Variants in KHDRBS3 observed in about 807,000 individuals in gnomAD.
KHDRBS3 encodes KH RNA binding domain containing, signal transduction associated 3.
Under a neutral mutation model 45.6 loss-of-function variants are expected in KHDRBS3, and 23 were observed. The observed-to-expected ratio is 0.50, with a 90% CI of 0.36 to 0.72. KHDRBS3 has a LOEUF of 0.72. KHDRBS3 is among the 30% of genes least tolerant of loss of function. The pLI, the probability that KHDRBS3 is intolerant of heterozygous loss-of-function variation, is 0.00. For synonymous variants in KHDRBS3, 162 were observed against 156.5 expected (o/e 1.04, Z -0.26); for missense variants, 352 against 424.8 (o/e 0.83, Z 1.51).
At chr8:135,515,365 T>TAAAAAAAAAAAAAA (rs59502823) in intron 1 of KHDRBS3, among the ~76,000 whole-genome samples, 43 of 39,744 alleles carry the variant, frequency 1.1e-3, no homozygotes, top group Non-Finnish European at 1.5e-3. Context: ...GACTCCGTCT[T>TAAAAAAAAAAAAAA]AAAAAAAAAA....
At chr8:135,462,417 CA>C (rs1424586233) in intron 1 of KHDRBS3, among the ~76,000 whole-genome samples, 2 of 152,002 alleles carry the variant, frequency 1.3e-5, no homozygotes, top group African/African-American at 2.4e-5. Context: ...TGTTGGGTCC[CA>C]GGGGTAGGGA....
intron 7 of KHDRBS3, among the ~76,000 whole-genome samples, chr8:135,633,613 TTAATTAC>T (rs2131150015): frequency 6.6e-6 from 1 of 152,380 alleles, no homozygotes; most frequent in South Asian, 2.1e-4. Context: ...GTTTCTTTTT[TTAATTAC>T]TAATTTATAA....
Position 135,647,243 on chromosome 8 carries a change from C to CATAAA in KHDRBS3, c.*160_*161insTAAAA. ...TACTTTGTTGAAACATCAACCTGGG[C>CATAAA]AGAAAAAAAAAAAAAAAGACATGTA... On this transcript the variant is annotated 3_prime_UTR_variant, in exon 9 of 9. Transcript: ENST00000355849. The CATAAA allele has an allele frequency of 1.4e-5, 2 of 139,176 alleles. No individual in the cohort carries two copies. Among genetic ancestry groups the CATAAA allele is most frequent in the Non-Finnish European group, 2.4e-5 (2 of 84,840 alleles). 8.6% of individuals were successfully genotyped at this position (139,176 alleles called of 1,614,324 possible).
intron 6 of KHDRBS3, among the ~76,000 whole-genome samples, chr8:135,601,150 A>T (rs2131002941): frequency 6.6e-6 from 1 of 152,336 alleles, no homozygotes; most frequent in Non-Finnish European, 1.5e-5. Context: ...ACAGAGAAGG[A>T]TTTGGCCTGC....
intron 6 of KHDRBS3, among the ~76,000 whole-genome samples, chr8:135,598,645 A>T (rs1422785276): frequency 6.6e-6 from 1 of 152,154 alleles, no homozygotes; most frequent in Non-Finnish European, 1.5e-5. Flanking sequence ...TAATATGGTA[A>T]TTTTTATCTT....
At chr8:135,607,633 G>C (rs1034199723) in intron 7 of KHDRBS3, among the ~76,000 whole-genome samples, 2 of 152,166 alleles carry the variant, frequency 1.3e-5, no homozygotes, top group Non-Finnish European at 2.9e-5. Flanking sequence ...CATGAACTTA[G>C]TGTTTCTTAT....
intron 5 of KHDRBS3, among the ~76,000 whole-genome samples, chr8:135,574,679 G>A (rs896297331): frequency 1.3e-5 from 2 of 152,184 alleles, no homozygotes; most frequent in Non-Finnish European, 2.9e-5. Flanking sequence ...TAATGAAAAT[G>A]TCACAAAGGA....
intron 7 of KHDRBS3, among the ~76,000 whole-genome samples, chr8:135,623,729 T>C (rs546613653): frequency 6.6e-6 from 1 of 152,362 alleles, no homozygotes; most frequent in African/African-American, 2.4e-5. Context: ...ATAGCACCAC[T>C]GTCATTTGAA....
rs1586533725 is a variant in KHDRBS3, at chr8:135,457,905, G to A, written c.39G>A (p.Lys13=). 6.2e-7 allele frequency: 1 copy of A among 1,601,498 alleles called. No homozygotes were observed. Among genetic ancestry groups the A allele is most frequent in the East Asian group, 2.3e-5 (1 of 43,830 alleles). The change falls in exon 1 of 9, where the codon AAG becomes AAA. Residue 13 remains lysine (K), a synonymous_variant. Transcript: ENST00000355849. This position sits in a 1 kb window ranked among gnomAD's most constrained non-coding sequence, Gnocchi z 4.4. ...ACCTGCCCGAGCTGATGGCGGAGAA[G>A]GACTCCCTGGACCCCTCCTTCACGC... ...EKYLPELMAE[K]DSLDPSFTHA... is the part of the protein sequence containing the mutation.
At chr8:135,538,143 G>C (rs1227374857) in intron 2 of KHDRBS3, among the ~76,000 whole-genome samples, 1 of 152,152 alleles carries the variant, frequency 6.6e-6, no homozygotes, top group African/African-American at 2.4e-5. Flanking sequence ...GGGTGGTAGT[G>C]GCAGGATGGG....
intron 6 of KHDRBS3, among the ~76,000 whole-genome samples, chr8:135,588,345 C>T (rs1008189242): frequency 9.2e-5 from 14 of 152,160 alleles, no homozygotes; most frequent in African/African-American, 3.4e-4. Flanking sequence ...CATTCCACAC[C>T]CTCTCCAGGC....
At chr8:135,465,133 G>A (rs1430569332) in intron 1 of KHDRBS3, among the ~76,000 whole-genome samples, 2 of 152,192 alleles carry the variant, frequency 1.3e-5, no homozygotes, top group Non-Finnish European at 2.9e-5. Flanking sequence ...AACTCAACAA[G>A]GAATGAGCTG....
chr8:135,604,641 C>G (rs987240191), intron 6 of KHDRBS3, among the ~76,000 whole-genome samples: 3 of 151,600 alleles, frequency 2.0e-5, no homozygotes, highest in African/African-American at 7.3e-5. Context: ...GCTCCATTCT[C>G]TCCACTCATT....
chr8:135,595,112 A>G (rs544900094), intron 6 of KHDRBS3, among the ~76,000 whole-genome samples: 3 of 152,340 alleles, frequency 2.0e-5, no homozygotes, highest in African/African-American at 7.2e-5. Context: ...ACAGAATAGT[A>G]GATATTCTGA....
At chr8:135,589,677 C>T (rs1236979578) in intron 6 of KHDRBS3, among the ~76,000 whole-genome samples, 2 of 152,184 alleles carry the variant, frequency 1.3e-5, no homozygotes, top group Non-Finnish European at 2.9e-5. Context: ...TCTATGTTTA[C>T]TTACTTGTCC....
At position 135,506,513 on chromosome 8, in the gene KHDRBS3, C is replaced by T. The variant is rs183067711; in HGVS notation, c.89-14724C>T. On this transcript the variant is annotated intron_variant, in intron 1 of 8. Coordinates refer to ENST00000355849, the MANE Select transcript of KHDRBS3 (RefSeq NM_006558.3). The stretch of plus-strand genomic sequence containing the variant: ...CTGCCTTCCAGGTTCAAGCAATTCT[C>T]CTGCCTCAGCCGCCCAAGTAGGTGG... Among the ~76,000 whole-genome samples the T allele has an allele frequency of 1.8e-3, 269 of 151,690 alleles. 4 individuals carry two copies. The highest frequency in any genetic ancestry group is 6.3e-3 in the African/African-American group (259 of 41,350).
chr8:135,541,284 G>A (rs1390581606), intron 2 of KHDRBS3: 3 of 152,162 alleles, frequency 2.0e-5, no homozygotes, highest in African/African-American at 4.8e-5. Flanking sequence ...CTAGAATCAG[G>A]TGGGATTGTA....
At chr8:135,473,770 C>T (rs535535172) in intron 1 of KHDRBS3, among the ~76,000 whole-genome samples, 6 of 152,070 alleles carry the variant, frequency 3.9e-5, no homozygotes, top group Non-Finnish European at 5.9e-5. Flanking sequence ...ATGATAAAAA[C>T]GGGCTGAAAA....
intron 6 of KHDRBS3, among the ~76,000 whole-genome samples, chr8:135,595,730 T>C (rs1165282767): frequency 6.6e-6 from 1 of 152,202 alleles, no homozygotes; most frequent in Non-Finnish European, 1.5e-5. Context: ...AGAGGGGCTG[T>C]TGTTCTCAAG....
Sources: allele counts gnomAD v4.1 joint callset (sites outside exome capture counted in the v4.1 genomes callset), GRCh38; gene constraint gnomAD v4.1.1; non-coding constraint Gnocchi (gnomAD v3.1); transcripts MANE v1.5; gene names NCBI Gene and HGNC (gene_info 2026-07-23, HGNC 2026-07-21).